The following LAMA2 variants were observed in gnomAD, a reference collection of about 807,000 sequenced individuals.
LAMA2 encodes the protein laminin subunit alpha-2.
Under a neutral mutation model 364.8 loss-of-function variants are expected in LAMA2, and 269 were observed. The observed-to-expected ratio is 0.74, with a 90% CI of 0.67 to 0.82. LAMA2 has a LOEUF of 0.82. Among genes scored for constraint, LAMA2 ranks in the 40% least tolerant of loss-of-function variants. The pLI, the probability that LAMA2 is intolerant of heterozygous loss-of-function variation, is 0.00. For synonymous variants in LAMA2, 1,379 were observed against 1,370.6 expected, an observed-to-expected ratio of 1.01 and a Z score of -0.14; for missense variants, 3,807 against 3,873.2, an observed-to-expected ratio of 0.98 and a Z score of 0.45.
At chr6:129,091,154 A>G (rs776285741) in intron 3 of LAMA2, among the ~76,000 whole-genome samples, 9 of 152,252 alleles carry the variant, frequency 5.9e-5, no homozygotes, top group Non-Finnish European at 1.2e-4. Flanking sequence ...GACATTGAAA[A>G]TAAGTCTTGC....
chr6:129,259,637 T>C (rs11961329), intron 14 of LAMA2, among the ~76,000 whole-genome samples: 39,437 of 151,970 alleles, frequency 0.26, 7,562 homozygotes, highest in African/African-American at 0.54. Context: ...CAACAGTCAA[T>C]GAAAATAGGT....
chr6:129,082,353 T>G (rs917288028), intron 3 of LAMA2, among the ~76,000 whole-genome samples: 6 of 152,128 alleles, frequency 3.9e-5, no homozygotes, highest in Admixed American at 3.9e-4. Flanking sequence ...ACAGATGTTA[T>G]TCCCTGATTA....
At chr6:129,139,438 T>C (rs1229050219) in intron 4 of LAMA2, among the ~76,000 whole-genome samples, 3 of 152,252 alleles carry the variant, frequency 2.0e-5, no homozygotes, top group East Asian at 3.9e-4. Context: ...ACTATTTACA[T>C]AGCCTTTACA....
chr6:129,426,683 A>G (rs887180893), intron 40 of LAMA2, among the ~76,000 whole-genome samples: 3 of 152,160 alleles, frequency 2.0e-5, no homozygotes, highest in African/African-American at 4.8e-5. Flanking sequence ...ATATGATAGC[A>G]TTGTACAATC....
At chr6:129,461,341 C>T (rs1783246614) in intron 49 of LAMA2, among the ~76,000 whole-genome samples, 2 of 151,998 alleles carry the variant, frequency 1.3e-5, no homozygotes, top group Admixed American at 6.6e-5. Context: ...AATGTTATCC[C>T]TCTAAAAGTC....
At chr6:129,064,119 G>A (rs1049491027) in intron 3 of LAMA2, among the ~76,000 whole-genome samples, 1 of 151,692 alleles carries the variant, frequency 6.6e-6, no homozygotes, top group Non-Finnish European at 1.5e-5. Flanking sequence ...TGTTGTACAA[G>A]GAGGGAATTT....
intron 3 of LAMA2, among the ~76,000 whole-genome samples, chr6:129,076,439 T>C: frequency 6.9e-6 from 1 of 144,222 alleles, no homozygotes; most frequent in East Asian, 2.0e-4. Context: ...TATATAAATA[T>C]ATATAATATA....
intron 1 of LAMA2, among the ~76,000 whole-genome samples, chr6:128,898,433 A>G (rs1399296305): frequency 1.3e-5 from 2 of 152,178 alleles, no homozygotes; most frequent in Non-Finnish European, 2.9e-5. Flanking sequence ...CCTTGAATCA[A>G]ATTTGACATC....
intron 1 of LAMA2, among the ~76,000 whole-genome samples, chr6:129,008,222 T>C (rs1024710272): frequency 6.6e-6 from 1 of 152,084 alleles, no homozygotes; most frequent in Admixed American, 6.6e-5. Flanking sequence ...TTGCAGAAAC[T>C]CTGTGTGCAT....
At chr6:129,382,720 C>G (rs953053421) in intron 34 of LAMA2, among the ~76,000 whole-genome samples, 2 of 152,132 alleles carry the variant, frequency 1.3e-5, no homozygotes, top group Non-Finnish European at 2.9e-5. Context: ...GTTTGTCTCT[C>G]AAGAGATCAT....
At chr6:129,304,184 T>C (rs771277744) in intron 22 of LAMA2, among the ~76,000 whole-genome samples, 4 of 152,188 alleles carry the variant, frequency 2.6e-5, no homozygotes, top group African/African-American at 9.6e-5. Context: ...GCCTAATAAA[T>C]GTGATAACTT....
chr6:129,236,005 A>G (rs1784958659), intron 12 of LAMA2, among the ~76,000 whole-genome samples: 1 of 152,202 alleles, frequency 6.6e-6, no homozygotes, highest in Admixed American at 6.5e-5. Context: ...TTTCCCTATT[A>G]AGCAAGAAAT....
intron 12 of LAMA2, among the ~76,000 whole-genome samples, chr6:129,247,065 A>T (rs1192455097): frequency 1.3e-5 from 2 of 152,200 alleles, no homozygotes. Context: ...AAGGAAAAAT[A>T]GAAGGAAAGA....
intron 12 of LAMA2, among the ~76,000 whole-genome samples, chr6:129,210,943 G>A (rs1285813101): frequency 1.3e-5 from 2 of 152,182 alleles, no homozygotes; most frequent in Non-Finnish European, 2.9e-5. Flanking sequence ...AGTAGGCCTG[G>A]TTTCTGGTTA....
At chr6:129,483,067 GAAA>G (rs60077511) in intron 55 of LAMA2, among the ~76,000 whole-genome samples, 2 of 102,830 alleles carry the variant, frequency 1.9e-5, no homozygotes, top group Non-Finnish European at 2.2e-5. Flanking sequence ...ACTCCGACTC[GAAA>G]AAAAAAAAAA....
chr6:129,008,446 A>G (rs543902456), intron 1 of LAMA2, among the ~76,000 whole-genome samples: 2 of 152,290 alleles, frequency 1.3e-5, no homozygotes, highest in African/African-American at 2.4e-5. Flanking sequence ...GATAATTTAC[A>G]TACATTATCT....
chr6:128,884,551 C>G (rs1213062858), intron 1 of LAMA2, among the ~76,000 whole-genome samples: 1 of 151,902 alleles, frequency 6.6e-6, no homozygotes, highest in Non-Finnish European at 1.5e-5. Context: ...AAGAGATATC[C>G]CAAGCTCTTT....
chr6:128,889,908 G>A (rs1008766235), intron 1 of LAMA2, among the ~76,000 whole-genome samples: 2 of 152,164 alleles, frequency 1.3e-5, no homozygotes, highest in African/African-American at 4.8e-5. Context: ...ATTTACAAAA[G>A]ATCATTGAGG....
chr6:129,414,873 C>T (rs1780704506), intron 40 of LAMA2, among the ~76,000 whole-genome samples: 1 of 152,220 alleles, frequency 6.6e-6, no homozygotes. Flanking sequence ...TCTTTTACTA[C>T]ATCTCTTAGT....
Sources: gnomAD v4.1 joint callset for allele counts (sites outside exome capture counted in the v4.1 genomes callset) on GRCh38, gnomAD v4.1.1 for gene constraint, MANE v1.5 for transcripts, NCBI Gene and HGNC (gene_info 2026-07-23, HGNC 2026-07-21) for gene names.